Variants in ABHD2 observed in about 807,000 individuals in gnomAD.
ABHD2 encodes abhydrolase domain containing 2, acylglycerol lipase.
ABHD2 carries 20 observed loss-of-function variants against 48.1 expected under a neutral mutation model. The ratio of observed to expected loss-of-function variants is 0.42; its 90% confidence interval spans 0.29 to 0.60. The LOEUF is 0.60. Among genes scored for constraint, ABHD2 ranks in the 20% least tolerant of loss-of-function variants. ABHD2 has a pLI of 0.24. For missense variants in ABHD2, 405 were observed against 550.9 expected, an observed-to-expected ratio of 0.74 and a Z score of 2.65; for synonymous variants, 209 against 214.2, an observed-to-expected ratio of 0.98 and a Z score of 0.21.
At chr15:89,081,470 T>C in the ABHD2 span, among the ~76,000 whole-genome samples, 1 of 152,166 alleles carries the variant, frequency 6.6e-6, no homozygotes, top group Non-Finnish European at 1.5e-5. Flanking sequence ...AAATCAAATG[T>C]AACTTAAATG....
At chr15:89,105,129 C>T (rs2049763555) in intron 1 of ABHD2, among the ~76,000 whole-genome samples, 1 of 152,240 alleles carries the variant, frequency 6.6e-6, no homozygotes, top group Admixed American at 6.5e-5. Flanking sequence ...TGTGATTTTA[C>T]TAAGTGCTTT....
Position 89,151,892 on chromosome 15 carries a change from A to G in ABHD2, c.370+40A>G. The G allele has an allele frequency of 6.2e-7, 1 of 1,603,034 alleles. No individual in the cohort carries two copies. The highest frequency in any genetic ancestry group is 1.1e-5 in the South Asian group (1 of 89,326). On this transcript the variant is annotated intron_variant, in intron 4 of 10. Transcript: ENST00000352732. The surrounding 1 kb of genome is among the most constrained non-coding windows in gnomAD (Gnocchi z 4.7). ...ATTGTGTGATTGAGCCATCACTCAGAGAAGGAGCACTAGTCAGTGGAGAGC... is the reference window on the plus strand; with the variant it reads ...ATTGTGTGATTGAGCCATCACTCAGGGAAGGAGCACTAGTCAGTGGAGAGC...
intron 3 of ABHD2, among the ~76,000 whole-genome samples, chr15:89,132,722 C>T (rs1028937536): frequency 6.6e-6 from 1 of 152,154 alleles, no homozygotes; most frequent in Non-Finnish European, 1.5e-5. Context: ...CCAGCACTGT[C>T]CTTTGCATTT....
chr15:89,118,644 A>G (rs962213122), intron 3 of ABHD2, among the ~76,000 whole-genome samples: 8 of 152,166 alleles, frequency 5.3e-5, no homozygotes, highest in African/African-American at 1.7e-4. Flanking sequence ...TTCTGTGCAG[A>G]TGAGTGCAAA....
chr15:89,178,418 A>G (rs2051052306), intron 6 of ABHD2, among the ~76,000 whole-genome samples: 2 of 152,178 alleles, frequency 1.3e-5, no homozygotes, highest in Admixed American at 1.3e-4. Flanking sequence ...CCATCACACC[A>G]AGGTGGAGCC....
rs1162515032 is a variant in ABHD2, at chr15:89,190,283, AGGG to A, written c.927-795_927-793del. Among the ~76,000 whole-genome samples the A allele has an allele frequency of 5.3e-5, 8 of 152,200 alleles. No individual in the cohort carries two copies. In the South Asian group the frequency reaches 8.3e-4, roughly 16 times the overall value. On this transcript the variant is annotated intron_variant, in intron 8 of 10. Coordinates refer to ENST00000352732, the MANE Select transcript of ABHD2 (RefSeq NM_152924.5). ...TGTCGGAGCTCCAGATTGAACCTTG[AGGG>A]GCCTCTGGGAGCACGGAGCAGAGCA... is the stretch of plus-strand genomic sequence containing the variant.
At position 89,137,273 on chromosome 15, in the gene ABHD2, G is replaced by T. The variant is rs1225714819; in HGVS notation, c.195-14404G>T. Among the ~76,000 whole-genome samples, 1 of 152,198 alleles carries T rather than the reference G, an allele frequency of 6.6e-6. No homozygotes were observed. The highest frequency in any genetic ancestry group is 1.5e-5 in the Non-Finnish European group (1 of 68,044). Reference sequence around the variant, plus strand: ...GCCTAGGGAGGATGTGACCAGTTCCGCGTGCTGTTTGTGAACAGGAAGATA... The same window carrying T: ...GCCTAGGGAGGATGTGACCAGTTCCTCGTGCTGTTTGTGAACAGGAAGATA... On this transcript the variant is annotated intron_variant, in intron 3 of 10. Transcript: ENST00000352732. The surrounding 1 kb of genome is among the most constrained non-coding windows in gnomAD (Gnocchi z 4.8).
At position 89,092,978 on chromosome 15, in the gene ABHD2, G is replaced by A. The variant is rs1289936400; in HGVS notation, c.-107+4415G>A. On this transcript the variant is annotated intron_variant, in intron 1 of 10. Coordinates refer to ENST00000352732, the MANE Select transcript of ABHD2 (RefSeq NM_152924.5). This position sits in a 1 kb window ranked among gnomAD's most constrained non-coding sequence, Gnocchi z 4.4. ...GAGAGCCCGGGGGAGGTGCAGGGGA[G>A]CTTCTAAAGGTCAGCTGAGAAGGGA... Among the ~76,000 whole-genome samples the A allele has an allele frequency of 6.6e-6, 1 of 152,110 alleles. No homozygotes were observed. The highest frequency in any genetic ancestry group is 2.4e-5 in the African/African-American group (1 of 41,404).
In ABHD2 at chr15:89,092,593, C is replaced by A. The variant is rs576035027; in HGVS notation, c.-107+4030C>A. 1.6e-4 allele frequency among the ~76,000 whole-genome samples: 25 copies of A among 152,214 alleles called. No homozygotes were observed. Among genetic ancestry groups the A allele is most frequent in the Middle Eastern group, 3.4e-3 (1 of 294 alleles). On this transcript the variant is annotated intron_variant, in intron 1 of 10. Coordinates refer to ENST00000352732, the MANE Select transcript of ABHD2 (RefSeq NM_152924.5). This position sits in a 1 kb window ranked among gnomAD's most constrained non-coding sequence, Gnocchi z 4.4. ...AAATACATCTGTGTGTACCCCTGAC[C>A]CCTGATCCTCAGAGGCAACCAGTAT...
At chr15:89,061,586 T>A in the ABHD2 span, among the ~76,000 whole-genome samples, 1 of 152,102 alleles carries the variant, frequency 6.6e-6, no homozygotes. Context: ...GTATTTTTTT[T>A]TTCTGAGACA....
At chr15:89,154,996 A>C (rs1341372088) in intron 4 of ABHD2, among the ~76,000 whole-genome samples, 1 of 152,264 alleles carries the variant, frequency 6.6e-6, no homozygotes, top group African/African-American at 2.4e-5. Context: ...TACAGAAATT[A>C]AGAGTAATGT....
Position 89,201,777 on chromosome 15 carries a change from GC to G in ABHD2, c.*6356del. 10 of 1,496,812 alleles carry G rather than the reference GC, an allele frequency of 6.7e-6. No homozygotes were observed. The highest frequency in any genetic ancestry group is 9.3e-6 in the Non-Finnish European group (10 of 1,075,538). 92.7% of individuals were successfully genotyped at this position (1,496,812 alleles called of 1,614,324 possible). A position where few individuals can be genotyped will look rare whatever the true frequency, so the allele number is the denominator to read the frequency against. The stretch of plus-strand genomic sequence containing the variant: ...GAGGACCAGGATCTGCTCGTGCTTC[GC>G]CGTGGCCCCGGAGGCAGACGCCATT... On this transcript the variant is annotated 3_prime_UTR_variant, in exon 11 of 11. Coordinates refer to ENST00000352732, the MANE Select transcript of ABHD2 (RefSeq NM_152924.5).
In ABHD2 at chr15:89,188,214, T is replaced by C. The variant is rs1459642925; in HGVS notation, c.837T>C (p.His279=). Residue 279 remains histidine (H), a synonymous_variant, in exon 8 of 11, where the codon CAT becomes CAC. Transcript: ENST00000352732. The surrounding 1 kb of genome is among the most constrained non-coding windows in gnomAD (Gnocchi z 4.1). ...LSHRQALFGD[H]VKKPQSLEDT... ...CTAGGCAAGCTCTTTTTGGAGACCA[T>C]GTTAAGAAACCCCAGAGCCTGGAAG... 2 of 1,614,168 alleles carry C rather than the reference T, an allele frequency of 1.2e-6. No individual in the cohort carries two copies. Among genetic ancestry groups the C allele is most frequent in the Admixed American group, 1.7e-5 (1 of 60,032 alleles).
the ABHD2 span, among the ~76,000 whole-genome samples, chr15:89,047,495 G>T: frequency 6.7e-6 from 1 of 149,272 alleles, no homozygotes; most frequent in South Asian, 2.1e-4. Flanking sequence ...TTGACAGTGG[G>T]GTGTTAAAGT....
At chr15:89,061,763 G>T in the ABHD2 span, among the ~76,000 whole-genome samples, 6 of 152,052 alleles carry the variant, frequency 3.9e-5, no homozygotes, top group Non-Finnish European at 5.9e-5. Flanking sequence ...CTGTAGAAAC[G>T]GGGTTTTGCC....
At position 89,201,226 on chromosome 15, in the gene ABHD2, A is replaced by G. The variant is rs979965179; in HGVS notation, c.*5803A>G. 6.3e-6 allele frequency: 9 copies of G among 1,427,558 alleles called. No homozygotes were observed. Among genetic ancestry groups the G allele is most frequent in the Admixed American group, 1.9e-5 (1 of 53,522 alleles). The allele number at this position is 1,427,558 out of a possible 1,614,324, so 88.4% of individuals were successfully genotyped here. A position where few individuals can be genotyped will look rare whatever the true frequency, so the allele number is the denominator to read the frequency against. On this transcript the variant is annotated 3_prime_UTR_variant, in exon 11 of 11. Transcript: ENST00000352732. ...CTACCTTTCTGAGCCTTAAACCTTC[A>G]TCTCTCAGGTGTTGATTTGCTTCTG...
At position 89,151,870 on chromosome 15, in the gene ABHD2, G is replaced by C; in HGVS notation, c.370+18G>C. 1 of 1,610,972 alleles carries C rather than the reference G, an allele frequency of 6.2e-7. No homozygotes were observed. Among genetic ancestry groups the C allele is most frequent in the Non-Finnish European group, 8.5e-7 (1 of 1,178,192 alleles). On this transcript the variant is annotated intron_variant, in intron 4 of 10. Coordinates refer to ENST00000352732, the MANE Select transcript of ABHD2 (RefSeq NM_152924.5). This position sits in a 1 kb window ranked among gnomAD's most constrained non-coding sequence, Gnocchi z 4.7. Reference sequence around the variant, plus strand: ...TGTTGGAGGTGAGCTGCTTTAGATTGTGTGATTGAGCCATCACTCAGAGAA... The same window carrying C: ...TGTTGGAGGTGAGCTGCTTTAGATTCTGTGATTGAGCCATCACTCAGAGAA...
Position 89,116,461 on chromosome 15 carries a change from A to C in ABHD2, c.134A>C (p.Tyr45Ser). The stretch of plus-strand genomic sequence containing the variant: ...AGCCCCACAGCCCCACCTGACCTCT[A>C]CTTCCAGGACTCGGGGCTCTCACGC... ...LKSPTAPPDL[Y>S]FQDSGLSRFL... Residue 45 changes from tyrosine to serine, a missense_variant, in exon 3 of 11, where the codon TAC becomes TCC. Transcript: ENST00000352732. This position sits in a 1 kb window ranked among gnomAD's most constrained non-coding sequence, Gnocchi z 4.6. 1 of 1,614,186 alleles carries C rather than the reference A, an allele frequency of 6.2e-7. No individual in the cohort carries two copies. Among genetic ancestry groups the C allele is most frequent in the Non-Finnish European group, 8.5e-7 (1 of 1,180,020 alleles).
intron 1 of ABHD2, chr15:89,093,600 A>T (rs982254995): frequency 3.9e-5 from 6 of 152,446 alleles, no homozygotes; most frequent in Non-Finnish European, 7.3e-5. Context: ...GGTAGCTTTA[A>T]GTGTCTCACC....
Sources: gnomAD v4.1 joint callset for allele counts (sites outside exome capture counted in the v4.1 genomes callset) on GRCh38, gnomAD v4.1.1 for gene constraint, Gnocchi (gnomAD v3.1) non-coding constraint, MANE v1.5 for transcripts, NCBI Gene and HGNC (gene_info 2026-07-23, HGNC 2026-07-21) for gene names.